The following TENM3 variants were observed in gnomAD, a reference collection of about 807,000 sequenced individuals.
The protein encoded by TENM3 is teneurin transmembrane protein 3.
In TENM3, 63 loss-of-function variants were observed where a neutral mutation model predicts 255.1. The observed-to-expected ratio is 0.25, with a 90% confidence interval of 0.20 to 0.30. The LOEUF (loss-of-function observed/expected upper bound fraction) is 0.30, where lower values mean the gene tolerates loss of function less well. Ranked by LOEUF, TENM3 falls within the 10% of genes least tolerant of loss-of-function variation. TENM3 has a pLI of 1.00. For synonymous variants in TENM3, 1,306 were observed against 1,322.3 expected (o/e 0.99, Z 0.27); for missense variants, 2,929 against 3,461.1 (o/e 0.85, Z 3.86).
the TENM3 span, among the ~76,000 whole-genome samples, chr4:181,613,163 A>C: frequency 2.6e-5 from 4 of 152,234 alleles, no homozygotes; most frequent in Non-Finnish European, 4.4e-5. Flanking sequence ...TAAGTTCAAA[A>C]GACAGAAGTT....
intron 3 of TENM3, among the ~76,000 whole-genome samples, chr4:182,592,832 CGAG>C (rs1350090226): frequency 6.6e-6 from 1 of 152,064 alleles, no homozygotes; most frequent in Non-Finnish European, 1.5e-5. Context: ...TTGTTTGAGA[CGAG>C]AGAAAGTAAA....
the TENM3 span, among the ~76,000 whole-genome samples, chr4:181,957,133 T>A: frequency 6.6e-6 from 1 of 152,186 alleles, no homozygotes; most frequent in Non-Finnish European, 1.5e-5. Context: ...ACATGCTGCA[T>A]TATGAATGTT....
intron 1 of TENM3, among the ~76,000 whole-genome samples, chr4:182,254,930 G>A (rs1415162795): frequency 6.6e-6 from 1 of 152,130 alleles, no homozygotes; most frequent in Non-Finnish European, 1.5e-5. Context: ...AAGCACTCTG[G>A]GTTTTGGTGT....
the TENM3 span, among the ~76,000 whole-genome samples, chr4:182,094,854 A>C: frequency 6.6e-6 from 1 of 152,172 alleles, no homozygotes; most frequent in Non-Finnish European, 1.5e-5. Flanking sequence ...AAATTAAAGT[A>C]AAAATCATTT....
chr4:181,862,661 T>TA, the TENM3 span, among the ~76,000 whole-genome samples: 1 of 152,114 alleles, frequency 6.6e-6, no homozygotes, highest in Non-Finnish European at 1.5e-5. Context: ...GTTTTCTCAA[T>TA]AAAAAATGGA....
At chr4:182,003,095 G>A in the TENM3 span, among the ~76,000 whole-genome samples, 5 of 152,058 alleles carry the variant, frequency 3.3e-5, no homozygotes, top group African/African-American at 1.2e-4. Context: ...AATACAAATA[G>A]TAGATGCACA....
At chr4:181,693,682 G>A in the TENM3 span, among the ~76,000 whole-genome samples, 1 of 152,114 alleles carries the variant, frequency 6.6e-6, no homozygotes, top group African/African-American at 2.4e-5. Flanking sequence ...GAATTACTCT[G>A]CCCTGGCTTC....
chr4:181,680,790 C>T, the TENM3 span, among the ~76,000 whole-genome samples: 1 of 152,076 alleles, frequency 6.6e-6, no homozygotes, highest in Non-Finnish European at 1.5e-5. Context: ...TCAAGTTTCA[C>T]AGATGCATCG....
chr4:182,503,996 T>G (rs1466220125), intron 3 of TENM3, among the ~76,000 whole-genome samples: 1 of 151,588 alleles, frequency 6.6e-6, no homozygotes, highest in East Asian at 1.9e-4. Flanking sequence ...ATCTGACATA[T>G]TATCTAATTT....
At chr4:181,957,190 G>A in the TENM3 span, among the ~76,000 whole-genome samples, 1 of 152,140 alleles carries the variant, frequency 6.6e-6, no homozygotes, top group Non-Finnish European at 1.5e-5. Context: ...GTGTAAAGAT[G>A]CTGTTCTGCA....
At chr4:181,582,522 C>CT in the TENM3 span, among the ~76,000 whole-genome samples, 7 of 152,008 alleles carry the variant, frequency 4.6e-5, no homozygotes, top group Admixed American at 3.9e-4. Context: ...TGGCGGGCGC[C>CT]TGTAATCCCA....
At chr4:181,803,722 G>C in the TENM3 span, among the ~76,000 whole-genome samples, 1 of 151,940 alleles carries the variant, frequency 6.6e-6, no homozygotes, top group Non-Finnish European at 1.5e-5. Context: ...CATGAGGCCA[G>C]GAGTTTGAGA....
chr4:182,762,833 T>A (rs1384581186), intron 22 of TENM3, among the ~76,000 whole-genome samples: 1 of 152,120 alleles, frequency 6.6e-6, no homozygotes, highest in Non-Finnish European at 1.5e-5. Context: ...TCTACATGCT[T>A]CAAGTCACCC....
chr4:182,332,590 A>G (rs6853681), intron 2 of TENM3, among the ~76,000 whole-genome samples: 105,682 of 151,618 alleles, frequency 0.7, 36,945 homozygotes, highest in African/African-American at 0.71. Context: ...GCTACTTGGG[A>G]GGCTGGGGCA....
At chr4:181,740,811 A>T in the TENM3 span, among the ~76,000 whole-genome samples, 1 of 152,194 alleles carries the variant, frequency 6.6e-6, no homozygotes, top group Non-Finnish European at 1.5e-5. Context: ...TTCCTGAAAC[A>T]TTCGGGAGAA....
chr4:181,706,847 T>C, the TENM3 span, among the ~76,000 whole-genome samples: 2 of 152,226 alleles, frequency 1.3e-5, no homozygotes, highest in African/African-American at 2.4e-5. Context: ...CCGTCTTAAG[T>C]GTTCTGACAT....
intron 1 of TENM3, among the ~76,000 whole-genome samples, chr4:182,261,039 C>G (rs12506432): frequency 6.6e-6 from 1 of 152,020 alleles, no homozygotes; most frequent in African/African-American, 2.4e-5. Context: ...GCACGCCCAG[C>G]TAATTTTTGT....
At chr4:181,815,840 T>C in the TENM3 span, among the ~76,000 whole-genome samples, 1 of 152,178 alleles carries the variant, frequency 6.6e-6, no homozygotes, top group Non-Finnish European at 1.5e-5. Flanking sequence ...TTCAGAAACA[T>C]TAAAACTGTG....
chr4:181,683,746 C>T, the TENM3 span, among the ~76,000 whole-genome samples: 1 of 152,116 alleles, frequency 6.6e-6, no homozygotes, highest in Admixed American at 6.5e-5. Flanking sequence ...GAGCAGAGTC[C>T]TCATAGAGAG....
Sources: allele counts gnomAD v4.1 joint callset (sites outside exome capture counted in the v4.1 genomes callset), GRCh38; gene constraint gnomAD v4.1.1; transcripts MANE v1.5; gene names NCBI Gene and HGNC (gene_info 2026-07-23, HGNC 2026-07-21).